Variants in P2RY13 observed in about 807,000 individuals in gnomAD.
P2RY13 encodes P2Y purinoceptor 13.
For missense variants in P2RY13, 412 were observed against 418.4 expected, an observed-to-expected ratio of 0.98 and a Z score of 0.13; for synonymous variants, 150 against 155.1, an observed-to-expected ratio of 0.97 and a Z score of 0.24.
Position 151,328,955 on chromosome 3 carries a change from T to A in P2RY13, c.101A>T (p.Glu34Val), listed in dbSNP as rs1189050105. Reference sequence around the variant, plus strand: ...TATCCGAGTGTCTCTGGGGCACCGCTCAGATCTGTTGAAGCCTTGCATCAC... The same window carrying A: ...TATCCGAGTGTCTCTGGGGCACCGCACAGATCTGTTGAAGCCTTGCATCAC... ...TTVMQGFNRS[E>V]RCPRDTRIVQ... The change falls in exon 2 of 2, where the codon GAG (glutamate) becomes GTG (valine). Residue 34 changes from glutamate (E) to valine (V), a missense_variant. Glu to Val is a moderately radical substitution (Grantham distance 121). Transcript: ENST00000325602. 6.2e-7 allele frequency: 1 copy of A among 1,613,686 alleles called. No homozygotes were observed. Among genetic ancestry groups the A allele is most frequent in the Non-Finnish European group, 8.5e-7 (1 of 1,179,706 alleles).
chr3:151,326,392 G>A lies in P2RY13; in HGVS notation c.*1599C>T, dbSNP rs1277681233. The A allele has an allele frequency of 6.6e-6, 1 of 152,522 alleles. No homozygotes were observed. The highest frequency in any genetic ancestry group is 2.4e-5 in the African/African-American group (1 of 41,402). The allele number at this position is 152,522 out of a possible 1,614,324, so 9.4% of individuals were successfully genotyped here. On this transcript the variant is annotated 3_prime_UTR_variant, in exon 2 of 2. Coordinates refer to ENST00000325602, the MANE Select transcript of P2RY13 (RefSeq NM_176894.3). ...ATATACATCAGTTACTAAAAGAGTA[G>A]ATACAAAGGTCAGGAAGTAATTACA...
chr3:151,328,692 T>C lies in P2RY13; in HGVS notation c.364A>G (p.Ile122Val). 1 of 1,613,902 alleles carries C rather than the reference T, an allele frequency of 6.2e-7. No homozygotes were observed. The highest frequency in any genetic ancestry group is 8.5e-7 in the Non-Finnish European group (1 of 1,179,878). ...CCCACATACATGGTCTCATAAAATA[T>C]CACCGAAGAAAAACGACACACAAAA... is the stretch of plus-strand genomic sequence containing the variant. ...RAFVCRFSSV[I>V]FYETMYVGIV... The change falls in exon 2 of 2, where the codon ATA becomes GTA. Residue 122 changes from isoleucine to valine, a missense_variant. Ile to Val is a conservative substitution (Grantham distance 29, BLOSUM62 3). Coordinates refer to ENST00000325602, the MANE Select transcript of P2RY13 (RefSeq NM_176894.3).
In P2RY13 at chr3:151,328,271, G is replaced by A. The variant is rs1469720704; in HGVS notation, c.785C>T (p.Ala262Val). 1.2e-6 allele frequency: 2 copies of A among 1,614,002 alleles called. No individual in the cohort carries two copies. Among genetic ancestry groups the A allele is most frequent in the East Asian group, 4.5e-5 (2 of 44,856 alleles). ...KLEGKVFVVVAVFFVCFAPFH... is the reference protein window; with the variant it reads ...KLEGKVFVVVVVFFVCFAPFH... ...TGGAGCAAAACACACAAAGAAGACAGCCACGACAACAAATACTTTGCCTTC... is the reference window on the plus strand; with the variant it reads ...TGGAGCAAAACACACAAAGAAGACAACCACGACAACAAATACTTTGCCTTC... The change falls in exon 2 of 2, where the codon GCT becomes GTT. Residue 262 changes from alanine to valine, a missense_variant. Coordinates refer to ENST00000325602, the MANE Select transcript of P2RY13 (RefSeq NM_176894.3).
Position 151,328,379 on chromosome 3 carries a change from A to G in P2RY13, c.677T>C (p.Val226Ala), listed in dbSNP as rs751770650. 19 of 1,613,590 alleles carry G rather than the reference A, an allele frequency of 1.2e-5. No homozygotes were observed. Among genetic ancestry groups the G allele is most frequent in the Non-Finnish European group, 1.6e-5 (19 of 1,179,776 alleles). Residue 226 changes from valine to alanine, a missense_variant, in exon 2 of 2, where the codon GTG (valine) becomes GCG (alanine). By Grantham distance (64) the Val-to-Ala change is moderately conservative. Coordinates refer to ENST00000325602, the MANE Select transcript of P2RY13 (RefSeq NM_176894.3). ...TTTTTTTGCAATAACCACATAAAACACAAGCATTAGGATAAAAACAGTCCA... is the reference window on the plus strand; with the variant it reads ...TTTTTTTGCAATAACCACATAAAACGCAAGCATTAGGATAAAAACAGTCCA... ...IFWTVFILML[V>A]FYVVIAKKVY... is the part of the protein sequence containing the mutation.
Position 151,327,866 on chromosome 3 carries a change from T to C in P2RY13, c.*125A>G, listed in dbSNP as rs1033860803. 4 of 688,244 alleles carry C rather than the reference T, an allele frequency of 5.8e-6. No homozygotes were observed. In the Admixed American group the frequency reaches 8.6e-5, roughly 15 times the overall value. 42.6% of individuals were successfully genotyped at this position (688,244 alleles called of 1,614,324 possible). On this transcript the variant is annotated 3_prime_UTR_variant, in exon 2 of 2. Transcript: ENST00000325602. Reference sequence around the variant, plus strand: ...GATTTAAATTTTATATAATCTTTTCTGTACACGAGGATAATAAAATGTAAG... The same window carrying C: ...GATTTAAATTTTATATAATCTTTTCCGTACACGAGGATAATAAAATGTAAG...
At position 151,328,826 on chromosome 3, in the gene P2RY13, G is replaced by A. The variant is rs1577344194; in HGVS notation, c.230C>T (p.Thr77Ile). The change falls in exon 2 of 2, where the codon ACC (threonine) becomes ATC (isoleucine). Residue 77 changes from threonine to isoleucine, a missense_variant. Coordinates refer to ENST00000325602, the MANE Select transcript of P2RY13 (RefSeq NM_176894.3). Reference protein sequence around the residue: ...WVFVHIPSSSTFIIYLKNTLV... With the variant: ...WVFVHIPSSSIFIIYLKNTLV... ...AGTGTTTTTGAGGTAGATGATGAAG[G>A]TGGAGGAGCTGGGGATGTGAACAAA... 6.2e-7 allele frequency: 1 copy of A among 1,613,946 alleles called. No homozygotes were observed.
In P2RY13 at chr3:151,328,066, A is replaced by C. The variant is rs1272000631; in HGVS notation, c.990T>G (p.Cys330Trp). 6.2e-7 allele frequency: 1 copy of C among 1,609,830 alleles called. No individual in the cohort carries two copies. Among genetic ancestry groups the C allele is most frequent in the South Asian group, 1.1e-5 (1 of 90,084 alleles). The part of the protein sequence containing the change: ...LCKKFTEKLP[C>W]MQGRKTTASS... ...ATGCTGTGGTCTTTCTCCCTTGCATACATGGTAGCTTTTCTGTGAATTTTT... is the reference window on the plus strand; with the variant it reads ...ATGCTGTGGTCTTTCTCCCTTGCATCCATGGTAGCTTTTCTGTGAATTTTT... Residue 330 changes from cysteine to tryptophan, a missense_variant, in exon 2 of 2, where the codon TGT becomes TGG. Physicochemically the swap from Cys to Trp is radical, Grantham distance 215. Coordinates refer to ENST00000325602, the MANE Select transcript of P2RY13 (RefSeq NM_176894.3).
rs1749701486 is a variant in P2RY13 at position 151,327,101 on chromosome 3, A to G, written c.*890T>C. On this transcript the variant is annotated 3_prime_UTR_variant, in exon 2 of 2. Transcript: ENST00000325602. The stretch of plus-strand genomic sequence containing the variant: ...TGTCTGTCTCTCAAGAAGCTTTAAC[A>G]TTTTTAGCGGATGCAGTCAAGAATA... 3 of 152,302 alleles carry G rather than the reference A, an allele frequency of 2.0e-5. No homozygotes were observed. Among genetic ancestry groups the G allele is most frequent in the South Asian group, 4.1e-4 (2 of 4,832 alleles). 9.4% of individuals were successfully genotyped at this position (152,302 alleles called of 1,614,324 possible).
rs1749664111 is a variant in P2RY13, at chr3:151,326,873, C to G, written c.*1118G>C. ...AAAGCCACATTTTACTTTTTTGAAT[C>G]ACAGAAGGATGCAAGAAAAAATACC... On this transcript the variant is annotated 3_prime_UTR_variant, in exon 2 of 2. Coordinates refer to ENST00000325602, the MANE Select transcript of P2RY13 (RefSeq NM_176894.3). 2.6e-5 allele frequency: 4 copies of G among 152,064 alleles called. No homozygotes were observed. Among genetic ancestry groups the G allele is most frequent in the Admixed American group, 2.6e-4 (4 of 15,266 alleles). The allele number at this position is 152,064 out of a possible 1,614,324, so 9.4% of individuals were successfully genotyped here.
At chr3:151,329,312 GATA>G (rs1282460155) in intron 1 of P2RY13, among the ~76,000 whole-genome samples, 166 bp downstream of exon 1, 1 of 152,132 alleles carries the variant, frequency 6.6e-6, no homozygotes, top group Non-Finnish European at 1.5e-5. Flanking sequence ...CTGTTTAAGA[GATA>G]ATAATACATT....
In P2RY13 at chr3:151,328,428, T is replaced by G; in HGVS notation, c.628A>C (p.Asn210His). Residue 210 changes from asparagine (N) to histidine (H), a missense_variant, in exon 2 of 2, where the codon AAT becomes CAT. Physicochemically the swap from Asn to His is moderately conservative, Grantham distance 68. Coordinates refer to ENST00000325602, the MANE Select transcript of P2RY13 (RefSeq NM_176894.3). ...CAGAAAATAAACTGGCATATGTTATTTACCATTTGATGCCATTTCAGCCCC... is the reference window on the plus strand; with the variant it reads ...CAGAAAATAAACTGGCATATGTTATGTACCATTTGATGCCATTTCAGCCCC... ...PLGLKWHQMV[N>H]NICQFIFWTV... The G allele has an allele frequency of 6.2e-7, 1 of 1,613,652 alleles. No homozygotes were observed. The highest frequency in any genetic ancestry group is 8.5e-7 in the Non-Finnish European group (1 of 1,179,624).
At position 151,328,705 on chromosome 3, in the gene P2RY13, A is replaced by G. The variant is rs761943059; in HGVS notation, c.351T>C (p.Arg117=). 8.7e-6 allele frequency: 14 copies of G among 1,613,924 alleles called. No homozygotes were observed. The highest frequency in any genetic ancestry group is 1.7e-5 in the Admixed American group (1 of 59,976). ...APWQLRAFVC[R]FSSVIFYETM... is the part of the protein sequence containing the mutation. ...TCTCATAAAATATCACCGAAGAAAA[A>G]CGACACACAAAAGCTCTGAGCTGCC... Residue 117 remains arginine (R), a synonymous_variant, in exon 2 of 2, where the codon CGT becomes CGC. Coordinates refer to ENST00000325602, the MANE Select transcript of P2RY13 (RefSeq NM_176894.3).
Position 151,328,401 on chromosome 3 carries a change from T to G in P2RY13, c.655A>C (p.Thr219Pro). Residue 219 changes from threonine to proline, a missense_variant, in exon 2 of 2, where the codon ACT (threonine) becomes CCT (proline). Physicochemically the swap from Thr to Pro is conservative, Grantham distance 38. Transcript: ENST00000325602. ...VNNICQFIFW[T>P]VFILMLVFYV... ...AACACAAGCATTAGGATAAAAACAG[T>G]CCAGAAAATAAACTGGCATATGTTA... 1 of 1,613,666 alleles carries G rather than the reference T, an allele frequency of 6.2e-7. No homozygotes were observed. The highest frequency in any genetic ancestry group is 8.5e-7 in the Non-Finnish European group (1 of 1,179,734).
Position 151,326,888 on chromosome 3 carries a change from G to A in P2RY13, c.*1103C>T, listed in dbSNP as rs1412394063. On this transcript the variant is annotated 3_prime_UTR_variant, in exon 2 of 2. Transcript: ENST00000325602. ...TTTTTTGAATCACAGAAGGATGCAA[G>A]AAAAAATACCAAGGTAAATAAATAC... 2 of 152,108 alleles carry A rather than the reference G, an allele frequency of 1.3e-5. No homozygotes were observed. The highest frequency in any genetic ancestry group is 6.5e-5 in the Admixed American group (1 of 15,270). 9.4% of individuals were successfully genotyped at this position (152,108 alleles called of 1,614,324 possible). A position where few individuals can be genotyped will look rare whatever the true frequency, so the allele number is the denominator to read the frequency against.
At position 151,328,092 on chromosome 3, in the gene P2RY13, T is replaced by A; in HGVS notation, c.964A>T (p.Lys322Ter). Residue 322 changes from lysine to a stop codon, truncating the protein, a stop_gained, in exon 2 of 2, where the codon AAA becomes TAA. Coordinates refer to ENST00000325602, the MANE Select transcript of P2RY13 (RefSeq NM_176894.3). LOFTEE classifies it low-confidence loss of function (END_TRUNC). ...MDPLIYIFLCKKFTEKLPCMQ... is the reference protein window; with the variant it reads ...MDPLIYIFLC ...CATGGTAGCTTTTCTGTGAATTTTT[T>A]ACATAAGAATATGTATATTAAGGGA... is the stretch of plus-strand genomic sequence containing the variant. The A allele has an allele frequency of 6.2e-7, 1 of 1,610,208 alleles. No individual in the cohort carries two copies. The highest frequency in any genetic ancestry group is 8.5e-7 in the Non-Finnish European group (1 of 1,178,778).
In P2RY13 at chr3:151,327,050, A is replaced by T. The variant is rs1034763808; in HGVS notation, c.*941T>A. ...TAGACCATGGACTGTAGGTCGTATT[A>T]TGGGAGATACCAAGAAAATCTGGCA... On this transcript the variant is annotated 3_prime_UTR_variant, in exon 2 of 2. Coordinates refer to ENST00000325602, the MANE Select transcript of P2RY13 (RefSeq NM_176894.3). 6.6e-6 allele frequency: 1 copy of T among 152,222 alleles called. No homozygotes were observed. The highest frequency in any genetic ancestry group is 1.5e-5 in the Non-Finnish European group (1 of 68,032). The allele number at this position is 152,222 out of a possible 1,614,324, so 9.4% of individuals were successfully genotyped here.
Position 151,328,516 on chromosome 3 carries a change from G to A in P2RY13, c.540C>T (p.Ile180=). The part of the protein sequence containing the change: ...FLFFISLPNT[I]LSNKEATPSS... The stretch of plus-strand genomic sequence containing the variant: ...ATGGTGTTGCTTCCTTGTTGCTCAA[G>A]ATCGTATTTGGCAGGGAGATGAAGA... Residue 180 remains isoleucine, a synonymous_variant, in exon 2 of 2, where the codon ATC becomes ATT. Coordinates refer to ENST00000325602, the MANE Select transcript of P2RY13 (RefSeq NM_176894.3). 2 of 1,613,954 alleles carry A rather than the reference G, an allele frequency of 1.2e-6. No individual in the cohort carries two copies. The highest frequency in any genetic ancestry group is 1.7e-6 in the Non-Finnish European group (2 of 1,179,922).
At position 151,328,643 on chromosome 3, in the gene P2RY13, G is replaced by A. The variant is rs1356533560; in HGVS notation, c.413C>T (p.Ala138Val). The A allele has an allele frequency of 1.2e-6, 2 of 1,613,840 alleles. No homozygotes were observed. The highest frequency in any genetic ancestry group is 1.7e-5 in the Admixed American group (1 of 59,954). The change falls in exon 2 of 2, where the codon GCC becomes GTC. Residue 138 changes from alanine (A) to valine (V), a missense_variant. Physicochemically the swap from Ala to Val is moderately conservative, Grantham distance 64. Transcript: ENST00000325602. ...GATGATCTTGAGGAATCTGTCAAAGGCTATGAGCCCTAACAGCACGATGCC... is the reference window on the plus strand; with the variant it reads ...GATGATCTTGAGGAATCTGTCAAAGACTATGAGCCCTAACAGCACGATGCC... ...YVGIVLLGLI[A>V]FDRFLKIIRP...
chr3:151,329,034 C>A lies in P2RY13; in HGVS notation c.49-27G>T, dbSNP rs958243867. 6.8e-7 allele frequency: 1 copy of A among 1,476,126 alleles called. No individual in the cohort carries two copies. The highest frequency in any genetic ancestry group is 9.1e-7 in the Non-Finnish European group (1 of 1,097,676). 91.4% of individuals were successfully genotyped at this position (1,476,126 alleles called of 1,614,324 possible). The stretch of plus-strand genomic sequence containing the variant: ...TGTTACCAATAAACATATATACAAA[C>A]AAAAGAAAACAAAAAGCCCTTCATG... On this transcript the variant is annotated intron_variant, in intron 1 of 1. Coordinates refer to ENST00000325602, the MANE Select transcript of P2RY13 (RefSeq NM_176894.3).
Sources: allele counts gnomAD v4.1 joint callset (sites outside exome capture counted in the v4.1 genomes callset), GRCh38; gene constraint gnomAD v4.1.1; transcripts MANE v1.5; gene names NCBI Gene and HGNC (gene_info 2026-07-23, HGNC 2026-07-21).